The following CR1 variants were observed in gnomAD, a reference collection of about 807,000 sequenced individuals.
The protein encoded by CR1 is complement C3b/C4b receptor 1 (Knops blood group), also known as complement receptor type 1.
In CR1, 116 loss-of-function variants were observed where a neutral mutation model predicts 187.3. The ratio of observed to expected loss-of-function variants is 0.62; its 90% CI spans 0.53 to 0.72. The LOEUF is 0.72. CR1 is among the 30% of genes least tolerant of loss of function. The pLI is 0.00. For missense variants in CR1, 1,731 were observed against 2,110.7 expected (o/e 0.82, Z 3.52); for synonymous variants, 576 against 747.1 (o/e 0.77, Z 3.73).
chr1:207,515,157 A>G (rs374090705), intron 4 of CR1, among the ~76,000 whole-genome samples: 1,534 of 67,110 alleles, frequency 0.023, 8 homozygotes, highest in South Asian at 0.073. Flanking sequence ...GTATATATAC[A>G]TATACATATA....
intron 43 of CR1, 55 bp downstream of exon 43, chr1:207,620,120 C>T (rs1662272669): frequency 6.5e-7 from 1 of 1,531,676 alleles, no homozygotes; most frequent in Non-Finnish European, 8.9e-7. Context: ...ATTGCTCATT[C>T]ATTCATCCAT....
chr1:207,635,798 T>A (rs1476240235), intron 46 of CR1, among the ~76,000 whole-genome samples: 8 of 152,212 alleles, frequency 5.3e-5, no homozygotes, highest in Non-Finnish European at 1.2e-4. Flanking sequence ...GTGTTTTGTG[T>A]CCCTGGGTAC....
chr1:207,523,953 G>A lies in CR1; in HGVS notation c.830G>A (p.Arg277His), dbSNP rs377051799. ...QPGFVMKGPR[R>H]VKCQALNKWE... ...GGCTTTGTCATGAAAGGACCCCGCC[G>A]TGTGAAGTGCCAGGCCCTGAACAAA... is the stretch of plus-strand genomic sequence containing the variant. Residue 277 changes from arginine to histidine, a missense_variant, in exon 5 of 47, where the codon CGT (arginine) becomes CAT (histidine). By Grantham distance (29) the Arg-to-His change is conservative. Coordinates refer to ENST00000367049, the MANE Select transcript of CR1 (RefSeq NM_000651.6). The A allele has an allele frequency of 2.7e-4, 429 of 1,611,782 alleles. 1 individual carries two copies. Among genetic ancestry groups the A allele is most frequent in the Non-Finnish European group, 3.3e-4 (393 of 1,179,720 alleles).
In CR1 at chr1:207,627,826, C is replaced by A. The variant is rs576426834; in HGVS notation, c.7353-2691C>A. Among the ~76,000 whole-genome samples the A allele has an allele frequency of 2.0e-5, 3 of 152,288 alleles. No homozygotes were observed. The South Asian group carries it at 6.2e-4, about 32-fold the overall frequency. ...GGTAGAGAGTCCAAGGTCAAGGCAA[C>A]TGCAAATTCAGTGTCTGGTGGGGAT... On this transcript the variant is annotated intron_variant, in intron 45 of 46. Coordinates refer to ENST00000367049, the MANE Select transcript of CR1 (RefSeq NM_000651.6).
At chr1:207,576,078 C>T (rs549886988) in intron 28 of CR1, among the ~76,000 whole-genome samples, 263 of 152,314 alleles carry the variant, frequency 1.7e-3, no homozygotes, top group Middle Eastern at 6.8e-3. Flanking sequence ...CTCTTTCTTC[C>T]TTCTTATTCT....
At chr1:207,621,045 G>A (rs778848580) in intron 43 of CR1, among the ~76,000 whole-genome samples, 1 of 152,212 alleles carries the variant, frequency 6.6e-6, no homozygotes, top group Non-Finnish European at 1.5e-5. Flanking sequence ...AGGCCGAGGC[G>A]GATGGATCAC....
At chr1:207,582,215 G>T (rs1373383815) in intron 32 of CR1, among the ~76,000 whole-genome samples, 1 of 152,196 alleles carries the variant, frequency 6.6e-6, no homozygotes, top group Non-Finnish European at 1.5e-5. Flanking sequence ...TTTATGAGGA[G>T]AGTCTGTGCT....
intron 35 of CR1, chr1:207,600,504 G>A (rs1571580332): frequency 6.6e-6 from 1 of 151,992 alleles, no homozygotes; most frequent in Non-Finnish European, 1.5e-5. Flanking sequence ...TTTTCTCATC[G>A]CAATACACCA....
At position 207,496,482 on chromosome 1, in the gene CR1, T is replaced by G. The variant is rs899505450; in HGVS notation, c.121+94T>G. 6.1e-6 allele frequency: 8 copies of G among 1,302,964 alleles called. No individual in the cohort carries two copies. In the African/African-American group the frequency reaches 1.1e-4, roughly 18 times the overall value. The allele number at this position is 1,302,964 out of a possible 1,614,324, so 80.7% of individuals were successfully genotyped here. On this transcript the variant is annotated intron_variant, in intron 1 of 46. Coordinates refer to ENST00000367049, the MANE Select transcript of CR1 (RefSeq NM_000651.6). ...CGTGCAGCGCTGAGCTGCGCTGCTC[T>G]GCGCGCCCGGGTCCGAAGGCAGCGC...
intron 46 of CR1, among the ~76,000 whole-genome samples, chr1:207,639,104 A>G (rs1163193540): frequency 6.6e-6 from 1 of 152,208 alleles, no homozygotes; most frequent in Admixed American, 6.5e-5. Context: ...ATGGTTGCCC[A>G]TTTCTATCAA....
At chr1:207,525,291 G>A (rs1292116923) in intron 5 of CR1, among the ~76,000 whole-genome samples, 1 of 151,574 alleles carries the variant, frequency 6.6e-6, no homozygotes, top group African/African-American at 2.4e-5. Flanking sequence ...TCACAAAAAT[G>A]TTAGAAGGGC....
intron 24 of CR1, among the ~76,000 whole-genome samples, chr1:207,566,196 A>C (rs921244141): frequency 6.7e-6 from 1 of 149,984 alleles, no homozygotes; most frequent in African/African-American, 2.5e-5. Context: ...GATAATGTGA[A>C]GCTTTAACAA....
At chr1:207,609,985 C>T (rs1661874147) in intron 37 of CR1, among the ~76,000 whole-genome samples, 1 of 152,102 alleles carries the variant, frequency 6.6e-6, no homozygotes, top group Non-Finnish European at 1.5e-5. Flanking sequence ...TATTAAAGAA[C>T]TTTTCCAAGG....
chr1:207,617,614 G>T (rs11801962), intron 41 of CR1, among the ~76,000 whole-genome samples: 163 of 12,942 alleles, frequency 0.013, 1 homozygote, highest in African/African-American at 0.02. Context: ...TATATATATA[G>T]AGAGAGAGAG....
At chr1:207,621,394 C>T (rs1442941058) in intron 43 of CR1, among the ~76,000 whole-genome samples, 1 of 152,070 alleles carries the variant, frequency 6.6e-6, no homozygotes, top group Non-Finnish European at 1.5e-5. Context: ...TTTGCAAAAA[C>T]TCTTATGAAA....
chr1:207,576,507 T>C lies in CR1; in HGVS notation c.4537+827T>C, dbSNP rs7534980. Among the ~76,000 whole-genome samples the C allele has an allele frequency of 7.7e-3, 1,171 of 152,336 alleles. 11 individuals carry two copies. Among genetic ancestry groups the C allele is most frequent in the African/African-American group, 0.026 (1,067 of 41,582 alleles). ...TTATTAGTTCTTCCAGAGCTTTTGT[T>C]CTTATTATTTAATAAAGATGTTATA... On this transcript the variant is annotated intron_variant, in intron 28 of 46. Transcript: ENST00000367049.
At position 207,496,413 on chromosome 1, in the gene CR1, G is replaced by A. The variant is rs756329514; in HGVS notation, c.121+25G>A. The A allele has an allele frequency of 1.1e-5, 17 of 1,587,346 alleles. No homozygotes were observed. In the Admixed American group the frequency reaches 2.7e-4, roughly 25 times the overall value. On this transcript the variant is annotated intron_variant, in intron 1 of 46. Coordinates refer to ENST00000367049, the MANE Select transcript of CR1 (RefSeq NM_000651.6). ...GGTGAGAGGCGGGCGGGCGTGGGGA[G>A]GCGCCCGGGCGGACGAGGAACCCGG...
chr1:207,606,744 G>A (rs1002536942), intron 35 of CR1, among the ~76,000 whole-genome samples: 2 of 152,130 alleles, frequency 1.3e-5, no homozygotes, highest in African/African-American at 4.8e-5. Context: ...CATTTCAAGT[G>A]TAGGGGTGTT....
In CR1 at chr1:207,580,566, A is replaced by T; in HGVS notation, c.5169A>T (p.Pro1723=). ...TCCCTCATGGCCGTGTGCTATTTCC[A>T]CTTAATCTCCAGCTTGGGGCAAAGG... is the stretch of plus-strand genomic sequence containing the variant. ...GQLPHGRVLF[P]LNLQLGAKVS... The change falls in exon 31 of 47, where the codon CCA becomes CCT. Residue 1723 remains proline (P), a synonymous_variant. Coordinates refer to ENST00000367049, the MANE Select transcript of CR1 (RefSeq NM_000651.6). The T allele has an allele frequency of 6.2e-7, 1 of 1,608,568 alleles. No individual in the cohort carries two copies. Among genetic ancestry groups the T allele is most frequent in the East Asian group, 2.2e-5 (1 of 44,736 alleles).
Sources: gnomAD v4.1 joint callset for allele counts (sites outside exome capture counted in the v4.1 genomes callset) on GRCh38, gnomAD v4.1.1 for gene constraint, MANE v1.5 for transcripts, NCBI Gene and HGNC (gene_info 2026-07-23, HGNC 2026-07-21) for gene names.